The following PHKB variants were observed in gnomAD, a reference collection of about 807,000 sequenced individuals.
The protein encoded by PHKB is phosphorylase kinase regulatory subunit beta, also known as phosphorylase b kinase regulatory subunit beta.
A neutral mutation model predicts 152.1 loss-of-function variants in PHKB; 122 were observed. The ratio of observed to expected loss-of-function variants is 0.80; its 90% CI spans 0.69 to 0.93. The LOEUF is 0.93. PHKB is among the 40% of genes least tolerant of loss of function. PHKB has a pLI of 0.00. For synonymous variants in PHKB, 436 were observed against 464.9 expected (o/e 0.94, Z 0.80); for missense variants, 1,304 against 1,328.4 (o/e 0.98, Z 0.29).
intron 26 of PHKB, among the ~76,000 whole-genome samples, chr16:47,683,374 G>A (rs1567355314): frequency 6.6e-6 from 1 of 152,240 alleles, no homozygotes; most frequent in Admixed American, 6.5e-5. Flanking sequence ...GGAGCCTACA[G>A]AGGCAGGCAG....
chr16:47,579,101 C>G (rs148861310), intron 7 of PHKB, among the ~76,000 whole-genome samples: 135 of 152,054 alleles, frequency 8.9e-4, no homozygotes, highest in Non-Finnish European at 1.5e-3. Context: ...GTTTCTAAGT[C>G]TTTTTGTGTT....
rs555537101 is a variant in PHKB at position 47,618,561 on chromosome 16, C to G, written c.1458+7641C>G. ...ATGATGTCCCCAAATAGATACAAAC[C>G]AAGTAAATTAAACACCAGACTTATT... is the stretch of plus-strand genomic sequence containing the variant. On this transcript the variant is annotated intron_variant, in intron 14 of 30. Coordinates refer to ENST00000323584, the MANE Select transcript of PHKB (RefSeq NM_000293.3). Among the ~76,000 whole-genome samples, 9 of 152,162 alleles carry G rather than the reference C, an allele frequency of 5.9e-5. No homozygotes were observed. The East Asian group carries it at 1.7e-3, about 29-fold the overall frequency.
At chr16:47,576,559 A>G (rs749333204) in intron 7 of PHKB, among the ~76,000 whole-genome samples, 6 of 152,320 alleles carry the variant, frequency 3.9e-5, no homozygotes, top group East Asian at 1.9e-4. Context: ...AAAAGGAGAA[A>G]AGTGTGCAAG....
intron 7 of PHKB, chr16:47,566,543 T>C: frequency 6.3e-7 from 1 of 1,594,456 alleles, no homozygotes; most frequent in Non-Finnish European, 8.5e-7. Context: ...TGATATTTAG[T>C]CCTCTAAAGA....
intron 14 of PHKB, among the ~76,000 whole-genome samples, chr16:47,624,501 A>G (rs931248417): frequency 9.9e-5 from 15 of 152,224 alleles, no homozygotes; most frequent in Admixed American, 5.9e-4. Flanking sequence ...GTTCTAGTAC[A>G]TGCCAAGATC....
intron 14 of PHKB, among the ~76,000 whole-genome samples, chr16:47,623,935 A>G (rs1046147723): frequency 2.0e-5 from 3 of 152,146 alleles, no homozygotes; most frequent in Admixed American, 6.5e-5. Context: ...GTTGTGTCCT[A>G]TACTTCTTAA....
At chr16:47,519,337 CATTT>C (rs1287228952) in intron 6 of PHKB, among the ~76,000 whole-genome samples, 2 of 152,166 alleles carry the variant, frequency 1.3e-5, no homozygotes, top group African/African-American at 4.8e-5. Context: ...AAAGATTAAA[CATTT>C]ATTATTTCAC....
At chr16:47,581,743 G>A (rs771466057) in intron 8 of PHKB, among the ~76,000 whole-genome samples, 2 of 152,078 alleles carry the variant, frequency 1.3e-5, no homozygotes, top group Admixed American at 6.5e-5. Flanking sequence ...GCGATGGCGC[G>A]ATCTCGGCTC....
chr16:47,626,263 G>T (rs906585548), intron 14 of PHKB, among the ~76,000 whole-genome samples: 4 of 152,220 alleles, frequency 2.6e-5, no homozygotes, highest in African/African-American at 9.7e-5. Flanking sequence ...AGTGAAGATG[G>T]CTCTGTGGTG....
chr16:47,561,390 C>CT (rs1971473229), intron 7 of PHKB: 1 of 152,208 alleles, frequency 6.6e-6, no homozygotes, highest in South Asian at 2.1e-4. Flanking sequence ...TATCACAACT[C>CT]TGAGTTCTTC....
chr16:47,573,178 A>T (rs1445704978), intron 7 of PHKB, among the ~76,000 whole-genome samples: 1 of 152,170 alleles, frequency 6.6e-6, no homozygotes, highest in East Asian at 1.9e-4. Context: ...AAGTGGCACT[A>T]GCAGGAGAGA....
At chr16:47,608,370 T>G (rs1972366119) in intron 13 of PHKB, among the ~76,000 whole-genome samples, 1 of 152,220 alleles carries the variant, frequency 6.6e-6, no homozygotes, top group Non-Finnish European at 1.5e-5. Flanking sequence ...GAGGAAAAGG[T>G]CCAGCTTCAT....
At chr16:47,599,073 C>G in intron 13 of PHKB, 1 of 592,518 alleles carries the variant, frequency 1.7e-6, no homozygotes, top group Non-Finnish European at 3.0e-6. Flanking sequence ...GGAAGGTTAT[C>G]TCTGGTTAGA....
intron 16 of PHKB, among the ~76,000 whole-genome samples, chr16:47,647,532 C>G (rs1973153801): frequency 6.6e-6 from 1 of 150,474 alleles, no homozygotes; most frequent in Admixed American, 6.6e-5. Context: ...GAGTCTCGCT[C>G]TGTTGCCCAG....
chr16:47,534,604 A>C (rs1219802596), intron 6 of PHKB, among the ~76,000 whole-genome samples: 1 of 152,228 alleles, frequency 6.6e-6, no homozygotes, highest in Non-Finnish European at 1.5e-5. Context: ...AAATTAGTAC[A>C]TAAAATTATG....
In PHKB at chr16:47,506,211, A is replaced by T. The variant is rs187205064; in HGVS notation, c.405+3121A>T. On this transcript the variant is annotated intron_variant, in intron 4 of 30. Transcript: ENST00000323584. ...AAAAAAAAAAGAAAAGAAAGAAAAA[A>T]AATAATAAAAAGAGTGATAACAAGT... is the stretch of plus-strand genomic sequence containing the variant. 2.4e-3 allele frequency among the ~76,000 whole-genome samples: 370 copies of T among 151,980 alleles called. 2 individuals carry two copies. The highest frequency in any genetic ancestry group is 8.4e-3 in the African/African-American group (348 of 41,494).
At chr16:47,585,367 TAG>T (rs1251621390) in intron 8 of PHKB, among the ~76,000 whole-genome samples, 5 of 152,246 alleles carry the variant, frequency 3.3e-5, no homozygotes, top group Non-Finnish European at 5.9e-5. Context: ...AGGTAATGAC[TAG>T]AGAGATTGCT....
chr16:47,686,322 G>A (rs1191487942), intron 26 of PHKB, among the ~76,000 whole-genome samples: 1 of 152,148 alleles, frequency 6.6e-6, no homozygotes, highest in Admixed American at 6.6e-5. Context: ...AAATAAAAAT[G>A]TTATTTATTT....
intron 2 of PHKB, among the ~76,000 whole-genome samples, chr16:47,499,421 C>A (rs541891910): frequency 6.6e-5 from 10 of 152,288 alleles, no homozygotes; most frequent in African/African-American, 2.4e-4. Flanking sequence ...TATACTTAGT[C>A]TTTTGCTTCA....
Sources: gnomAD v4.1 joint callset for allele counts (sites outside exome capture counted in the v4.1 genomes callset) on GRCh38, gnomAD v4.1.1 for gene constraint, MANE v1.5 for transcripts, NCBI Gene and HGNC (gene_info 2026-07-23, HGNC 2026-07-21) for gene names.